The following GRWD1 variants were observed in gnomAD, a reference collection of about 807,000 sequenced individuals.
The protein encoded by GRWD1 is glutamate-rich WD repeat-containing protein 1.
Under a neutral mutation model 45.3 loss-of-function variants are expected in GRWD1, and 29 were observed. The ratio of observed to expected loss-of-function variants is 0.64; its 90% CI spans 0.48 to 0.87. GRWD1 has a LOEUF of 0.87. GRWD1 is among the 40% of genes least tolerant of loss of function. The probability of loss-of-function intolerance (pLI) is 0.00; values close to 1 mark genes in which losing one functional copy is unlikely to be tolerated. For missense variants in GRWD1, 592 were observed against 618.8 expected (o/e 0.96, Z 0.46); for synonymous variants, 262 against 257.6 (o/e 1.02, Z -0.16).
rs752123165 is a variant in GRWD1 at position 48,446,835 on chromosome 19, C to G, written c.460C>G (p.Arg154Gly). The G allele has an allele frequency of 6.2e-7, 1 of 1,612,740 alleles. No individual in the cohort carries two copies. The highest frequency in any genetic ancestry group is 1.1e-5 in the South Asian group (1 of 91,030). ...AMVPHYGGIN[R>G]VRVSWLGEEP... is the part of the protein sequence containing the mutation. ...GGTGCCCCACTATGGTGGCATCAAC[C>G]GAGTTCGGGTAAGTATGGTCCCAGG... Residue 154 changes from arginine (R) to glycine (G), a missense_variant, in exon 3 of 7, where the codon CGA becomes GGA. Arg to Gly is a moderately radical substitution (Grantham distance 125). Transcript: ENST00000253237.
Position 48,453,126 on chromosome 19 carries a change from G to A in GRWD1, c.*101G>A, listed in dbSNP as rs1236279531. The A allele has an allele frequency of 5.8e-6, 6 of 1,042,182 alleles. No homozygotes were observed. Among genetic ancestry groups the A allele is most frequent in the Admixed American group, 2.6e-5 (1 of 38,782 alleles). The allele number at this position is 1,042,182 out of a possible 1,614,324, so 64.6% of individuals were successfully genotyped here. On this transcript the variant is annotated 3_prime_UTR_variant, in exon 7 of 7. Coordinates refer to ENST00000253237, the MANE Select transcript of GRWD1 (RefSeq NM_031485.4). The stretch of plus-strand genomic sequence containing the variant: ...TCAGGTCTGTTGACTGAGACTGGCC[G>A]GCCTGTGGGCTGCCGTGATGGATTC...
In GRWD1 at chr19:48,452,863, C is replaced by G. The variant is rs200076597; in HGVS notation, c.1179C>G (p.Asp393Glu). 3 of 1,612,680 alleles carry G rather than the reference C, an allele frequency of 1.9e-6. No homozygotes were observed. The highest frequency in any genetic ancestry group is 2.5e-6 in the Non-Finnish European group (3 of 1,179,760). Residue 393 changes from aspartate (D) to glutamate (E), a missense_variant, in exon 7 of 7, where the codon GAC (aspartate) becomes GAG (glutamate). Physicochemically the swap from Asp to Glu is conservative, Grantham distance 45. Coordinates refer to ENST00000253237, the MANE Select transcript of GRWD1 (RefSeq NM_031485.4). The surrounding 1 kb of genome is among the most constrained non-coding windows in gnomAD (Gnocchi z 5.1). ...TGGAGCGGGACCCTGAGGCGGGCGA[C>G]GTGGAGGCCGACCCCGGACTGGCCG... ...LAVERDPEAGDVEADPGLADL... is the reference protein window; with the variant it reads ...LAVERDPEAGEVEADPGLADL...
chr19:48,446,529 A>G (rs1196484391), intron 2 of GRWD1, 27 bp downstream of exon 2: 2 of 1,606,816 alleles, frequency 1.2e-6, no homozygotes, highest in African/African-American at 1.3e-5. Context: ...TTCCAGGACC[A>G]GGAGGCTCAG....
At chr19:48,446,964 T>A (rs1048135543) in intron 3 of GRWD1, 121 bp downstream of exon 3, 12 of 912,484 alleles carry the variant, frequency 1.3e-5, no homozygotes, top group Non-Finnish European at 1.7e-5. Flanking sequence ...TGAGACGTAG[T>A]CTCGCTCTGT....
chr19:48,447,018 C>T (rs998097976), intron 3 of GRWD1, among the ~76,000 whole-genome samples, 175 bp downstream of exon 3: 2 of 150,690 alleles, frequency 1.3e-5, no homozygotes, highest in Admixed American at 6.6e-5. Flanking sequence ...CTCACTGCAA[C>T]CTCTGCCTCC....
Position 48,450,277 on chromosome 19 carries a change from G to A in GRWD1, c.469-36G>A, listed in dbSNP as rs368979066. On this transcript the variant is annotated intron_variant, in intron 3 of 6. Coordinates refer to ENST00000253237, the MANE Select transcript of GRWD1 (RefSeq NM_031485.4). This position sits in a 1 kb window ranked among gnomAD's most constrained non-coding sequence, Gnocchi z 5.1. Reference sequence around the variant, plus strand: ...AGTGCCTTGATCCTCCTCTCCCCTCGCTTCACATCACCCTTCCCCCACCGC... The same window carrying A: ...AGTGCCTTGATCCTCCTCTCCCCTCACTTCACATCACCCTTCCCCCACCGC... 14 of 1,546,566 alleles carry A rather than the reference G, an allele frequency of 9.1e-6. No homozygotes were observed. The highest frequency in any genetic ancestry group is 7.0e-5 in the East Asian group (3 of 43,032).
Position 48,450,944 on chromosome 19 carries a change from A to C in GRWD1, c.826-90A>C. The C allele has an allele frequency of 6.6e-7, 1 of 1,505,590 alleles. No homozygotes were observed. The allele number at this position is 1,505,590 out of a possible 1,614,324, so 93.3% of individuals were successfully genotyped here. On this transcript the variant is annotated intron_variant, in intron 5 of 6. Coordinates refer to ENST00000253237, the MANE Select transcript of GRWD1 (RefSeq NM_031485.4). This position sits in a 1 kb window ranked among gnomAD's most constrained non-coding sequence, Gnocchi z 5.1. ...TCCAGGCCAAGTCATAGTAAGGGGA[A>C]CAGTGAAAGAGAGAGTAGCCCACCG... is the stretch of plus-strand genomic sequence containing the variant.
Position 48,450,422 on chromosome 19 carries a change from T to G in GRWD1, c.578T>G (p.Leu193Arg), listed in dbSNP as rs1444183327. 3.7e-6 allele frequency: 6 copies of G among 1,614,100 alleles called. No homozygotes were observed. The highest frequency in any genetic ancestry group is 5.1e-6 in the Non-Finnish European group (6 of 1,180,024). The change falls in exon 4 of 7, where the codon CTG becomes CGG. Residue 193 changes from leucine to arginine, a missense_variant. Leu to Arg is a moderately radical substitution (Grantham distance 102, BLOSUM62 -2). Coordinates refer to ENST00000253237, the MANE Select transcript of GRWD1 (RefSeq NM_031485.4). The surrounding 1 kb of genome is among the most constrained non-coding windows in gnomAD (Gnocchi z 5.1). The part of the protein sequence containing the change: ...LLQVVEEPQA[L>R]AAFLRDEQAQ... ...CAGGTGGTGGAGGAGCCCCAGGCCC[T>G]GGCAGCCTTCCTCCGGGATGAGCAG...
In GRWD1 at chr19:48,450,243, C is replaced by A; in HGVS notation, c.469-70C>A. On this transcript the variant is annotated intron_variant, in intron 3 of 6. Transcript: ENST00000253237. This position sits in a 1 kb window ranked among gnomAD's most constrained non-coding sequence, Gnocchi z 5.1. ...TTCTGGTTCTCTGGGATATGGGGAG[C>A]GTGGGGTCAGTGCCTTGATCCTCCT... 8.3e-7 allele frequency: 1 copy of A among 1,206,352 alleles called. No individual in the cohort carries two copies. Among genetic ancestry groups the A allele is most frequent in the Non-Finnish European group, 1.2e-6 (1 of 838,596 alleles). The allele number at this position is 1,206,352 out of a possible 1,614,324, so 74.7% of individuals were successfully genotyped here.
intron 2 of GRWD1, 84 bp from the exon 3 acceptor site, chr19:48,446,597 G>C: frequency 1.3e-6 from 2 of 1,558,410 alleles, no homozygotes; most frequent in Admixed American, 1.9e-5. Context: ...GCCTCTCGCA[G>C]ATCCAGGAGT....
rs534551028 is a variant in GRWD1, at chr19:48,454,306, C to G, written c.*1281C>G. 1 of 151,334 alleles carries G rather than the reference C, an allele frequency of 6.6e-6. No homozygotes were observed. The highest frequency in any genetic ancestry group is 1.5e-5 in the Non-Finnish European group (1 of 67,960). 9.4% of individuals were successfully genotyped at this position (151,334 alleles called of 1,614,324 possible). A position where few individuals can be genotyped will look rare whatever the true frequency, so the allele number is the denominator to read the frequency against. ...TCTCCCTGCCCCCTAGTCGCTGTCT[C>G]GCTCCTCCGCCGCTGTCTCCTGTCC... On this transcript the variant is annotated 3_prime_UTR_variant, in exon 7 of 7. Transcript: ENST00000253237.
Position 48,452,119 on chromosome 19 carries a change from G to A in GRWD1, c.1024-589G>A, listed in dbSNP as rs1006749838. Among the ~76,000 whole-genome samples the A allele has an allele frequency of 1.4e-5, 2 of 143,292 alleles. No homozygotes were observed. The highest frequency in any genetic ancestry group is 2.2e-4 in the South Asian group (1 of 4,542). 94.0% of individuals were successfully genotyped at this position (143,292 alleles called of 152,430 possible). ...TTTTTTTTTTTTTCTTTTTTTTTGCGATGGAGTTTTGCTCTTGTTTCCCAG... is the reference window on the plus strand; with the variant it reads ...TTTTTTTTTTTTTCTTTTTTTTTGCAATGGAGTTTTGCTCTTGTTTCCCAG... On this transcript the variant is annotated intron_variant, in intron 6 of 6. Coordinates refer to ENST00000253237, the MANE Select transcript of GRWD1 (RefSeq NM_031485.4). This position sits in a 1 kb window ranked among gnomAD's most constrained non-coding sequence, Gnocchi z 5.1.
chr19:48,446,839 T>C lies in GRWD1; in HGVS notation c.464T>C (p.Val155Ala), dbSNP rs1188363336. 6.2e-7 allele frequency: 1 copy of C among 1,612,494 alleles called. No homozygotes were observed. Among genetic ancestry groups the C allele is most frequent in the Non-Finnish European group, 8.5e-7 (1 of 1,179,606 alleles). ...CCCCACTATGGTGGCATCAACCGAG[T>C]TCGGGTAAGTATGGTCCCAGGAGCC... is the stretch of plus-strand genomic sequence containing the variant. Reference protein sequence around the residue: ...MVPHYGGINRVRVSWLGEEPV... With the variant: ...MVPHYGGINRARVSWLGEEPV... Residue 155 changes from valine to alanine, a missense_variant, in exon 3 of 7, where the codon GTT becomes GCT. Val to Ala is a moderately conservative substitution (Grantham distance 64). Transcript: ENST00000253237.
At position 48,452,729 on chromosome 19, in the gene GRWD1, T is replaced by C. The variant is rs1325088242; in HGVS notation, c.1045T>C (p.Phe349Leu). The C allele has an allele frequency of 6.3e-7, 1 of 1,580,744 alleles. No individual in the cohort carries two copies. Among genetic ancestry groups the C allele is most frequent in the Non-Finnish European group, 8.6e-7 (1 of 1,157,840 alleles). ...CTAGTCTGGTTCCCCAGTGGCCACC[T>C]TCAAGCAGCACGTGGCCCCCGTGAC... ...QFKSGSPVAT[F>L]KQHVAPVTSV... The change falls in exon 7 of 7, where the codon TTC (phenylalanine) becomes CTC (leucine). Residue 349 changes from phenylalanine to leucine, a missense_variant. By Grantham distance (22) the Phe-to-Leu change is conservative. Coordinates refer to ENST00000253237, the MANE Select transcript of GRWD1 (RefSeq NM_031485.4). The surrounding 1 kb of genome is among the most constrained non-coding windows in gnomAD (Gnocchi z 5.1).
In GRWD1 at chr19:48,452,787, T is replaced by C; in HGVS notation, c.1103T>C (p.Val368Ala). The C allele has an allele frequency of 6.2e-7, 1 of 1,610,740 alleles. No individual in the cohort carries two copies. The part of the protein sequence containing the change: ...SVEWHPQDSG[V>A]FAASGADHQI... ...GAGTGGCACCCCCAGGACAGCGGGG[T>C]CTTTGCAGCCTCGGGTGCAGACCAC... Residue 368 changes from valine to alanine, a missense_variant, in exon 7 of 7, where the codon GTC becomes GCC. Val to Ala is a moderately conservative substitution (Grantham distance 64, BLOSUM62 0). Coordinates refer to ENST00000253237, the MANE Select transcript of GRWD1 (RefSeq NM_031485.4). The surrounding 1 kb of genome is among the most constrained non-coding windows in gnomAD (Gnocchi z 5.1).
In GRWD1 at chr19:48,446,088, G is replaced by C. The variant is rs758376977; in HGVS notation, c.83G>C (p.Gly28Ala). Residue 28 changes from glycine (G) to alanine (A), a missense_variant, in exon 1 of 7, where the codon GGC becomes GCC. By Grantham distance (60) the Gly-to-Ala change is moderately conservative. Transcript: ENST00000253237. ...GAGTCCGGCGACACAAGTTCCGAGG[G>C]CCCGGCCCAGGTCTACCTGCCCGGC... ...EAESGDTSSEGPAQVYLPGRG... is the reference protein window; with the variant it reads ...EAESGDTSSEAPAQVYLPGRG... 3.1e-6 allele frequency: 5 copies of C among 1,595,208 alleles called. No homozygotes were observed. The African/African-American group carries it at 6.7e-5, about 21-fold the overall frequency.
At chr19:48,449,022 G>A (rs560400386) in intron 3 of GRWD1, among the ~76,000 whole-genome samples, 171 of 152,118 alleles carry the variant, frequency 1.1e-3, no homozygotes, top group Non-Finnish European at 2.0e-3. Flanking sequence ...GGAGACTTAC[G>A]GTATTCAGGG....
rs1418170773 is a variant in GRWD1 at position 48,446,180 on chromosome 19, C to G, written c.175C>G (p.Arg59Gly). ...CGAGGAGGCCTATGTGCTCTACCAC[C>G]GAGCGCAGACTGGTAGGGCTGAGTC... Reference protein sequence around the residue: ...MDEEAYVLYHRAQTGAPCLSF... With the variant: ...MDEEAYVLYHGAQTGAPCLSF... The change falls in exon 1 of 7, where the codon CGA becomes GGA. Residue 59 changes from arginine (R) to glycine (G), a missense_variant. By Grantham distance (125) the Arg-to-Gly change is moderately radical. Transcript: ENST00000253237. 1.4e-5 allele frequency: 22 copies of G among 1,600,052 alleles called. No individual in the cohort carries two copies. The highest frequency in any genetic ancestry group is 1.9e-5 in the Non-Finnish European group (22 of 1,175,906).
rs904950831 is a variant in GRWD1 at position 48,446,193 on chromosome 19, G to A, written c.187+1G>A. Reference sequence around the variant, plus strand: ...GTGCTCTACCACCGAGCGCAGACTGGTAGGGCTGAGTCCGGACTCCAGGGT... The same window carrying A: ...GTGCTCTACCACCGAGCGCAGACTGATAGGGCTGAGTCCGGACTCCAGGGT... On this transcript the variant is annotated splice_donor_variant, in intron 1 of 6. Transcript: ENST00000253237. LOFTEE classifies it high-confidence loss of function. The A allele has an allele frequency of 6.3e-7, 1 of 1,594,700 alleles. No homozygotes were observed. Among genetic ancestry groups the A allele is most frequent in the Non-Finnish European group, 8.5e-7 (1 of 1,173,468 alleles).
Sources: allele counts gnomAD v4.1 joint callset (sites outside exome capture counted in the v4.1 genomes callset), GRCh38; gene constraint gnomAD v4.1.1; non-coding constraint Gnocchi (gnomAD v3.1); transcripts MANE v1.5; gene names NCBI Gene and HGNC (gene_info 2026-07-23, HGNC 2026-07-21).